The following CLDN14 variants were observed in gnomAD, a reference collection of about 807,000 sequenced individuals.
CLDN14 encodes the protein claudin 14.
A neutral mutation model predicts 2.1 loss-of-function variants in CLDN14; 2 were observed. The ratio of observed to expected loss-of-function variants is 0.96; its 90% CI spans 0.39 to 3.01. The LOEUF is 3.01. Among genes scored for constraint, CLDN14 ranks in the 30% most tolerant of loss-of-function variants. The pLI, the probability that CLDN14 is intolerant of heterozygous loss-of-function variation, is 0.09. For missense variants in CLDN14, 298 were observed against 328.0 expected (o/e 0.91, Z 0.71); for synonymous variants, 136 against 154.4 (o/e 0.88, Z 0.88).
intron 1 of CLDN14, among the ~76,000 whole-genome samples, chr21:36,464,168 C>T (rs1176792814): frequency 6.6e-6 from 1 of 152,102 alleles, no homozygotes; most frequent in African/African-American, 2.4e-5. Flanking sequence ...CACCTGCCTG[C>T]TCCCCTCTCT....
Position 36,499,342 on chromosome 21 carries a change from T to C in CLDN14, c.-82+11021A>G, listed in dbSNP as rs535424570. Among the ~76,000 whole-genome samples, 44 of 152,292 alleles carry C rather than the reference T, an allele frequency of 2.9e-4. No homozygotes were observed. The highest frequency in any genetic ancestry group is 8.5e-4 in the Admixed American group (13 of 15,288). The stretch of plus-strand genomic sequence containing the variant: ...TCAGCTCGCTGCAACCTCTGCCTCC[T>C]GGGTTCAAGCGATTCTCCTGCCTCA... On this transcript the variant is annotated intron_variant, in intron 2 of 2. Coordinates refer to the CLDN14 transcript ENST00000342108. The surrounding 1 kb of genome is among the most constrained non-coding windows in gnomAD (Gnocchi z 4.7).
chr21:36,496,180 A>G (rs2087015278), intron 2 of CLDN14, among the ~76,000 whole-genome samples: 1 of 152,140 alleles, frequency 6.6e-6, no homozygotes, highest in Admixed American at 6.6e-5. Context: ...AAATGCCTGT[A>G]ATTCCAGCAC....
chr21:36,558,955 C>G (rs975276441), intron 1 of CLDN14, among the ~76,000 whole-genome samples: 25 of 152,160 alleles, frequency 1.6e-4, no homozygotes, highest in African/African-American at 5.5e-4. Context: ...GTATACTTAA[C>G]AAAAATTTAA....
intron 1 of CLDN14, among the ~76,000 whole-genome samples, chr21:36,524,556 C>G (rs897838910): frequency 3.4e-4 from 52 of 152,194 alleles, no homozygotes; most frequent in African/African-American, 9.9e-4. Flanking sequence ...AGATACCGAC[C>G]CTGAGCTCCA....
intron 1 of CLDN14, among the ~76,000 whole-genome samples, chr21:36,528,344 A>G (rs2087351291): frequency 6.6e-6 from 1 of 152,170 alleles, no homozygotes; most frequent in Non-Finnish European, 1.5e-5. Context: ...ATCATCTTCC[A>G]GATGTGGAAA....
chr21:36,475,607 G>A (rs1323308626), intron 1 of CLDN14, among the ~76,000 whole-genome samples: 1 of 152,180 alleles, frequency 6.6e-6, no homozygotes, highest in Non-Finnish European at 1.5e-5. Flanking sequence ...CTGGAGTGCA[G>A]TGGCACAATC....
chr21:36,514,662 T>TGTAG (rs1491510888), intron 1 of CLDN14, among the ~76,000 whole-genome samples: 1 of 131,216 alleles, frequency 7.6e-6, no homozygotes, highest in African/African-American at 3.6e-5. Context: ...TGTGTGTGTG[T>TGTAG]AGAGAGACAG....
At chr21:36,552,033 A>T (rs1255969195) in intron 1 of CLDN14, among the ~76,000 whole-genome samples, 3 of 152,238 alleles carry the variant, frequency 2.0e-5, no homozygotes, top group Non-Finnish European at 2.9e-5. Flanking sequence ...TGATAAAGTT[A>T]CTACATTCAT....
At chr21:36,512,523 A>G (rs2087194137) in intron 1 of CLDN14, among the ~76,000 whole-genome samples, 1 of 152,232 alleles carries the variant, frequency 6.6e-6, no homozygotes, top group Admixed American at 6.5e-5. Context: ...AGTAAAATAC[A>G]AGACAATAGA....
At chr21:36,497,440 C>G (rs1306681048) in intron 2 of CLDN14, among the ~76,000 whole-genome samples, 4 of 140,936 alleles carry the variant, frequency 2.8e-5, no homozygotes, top group African/African-American at 1.1e-4. Flanking sequence ...GCGGCAGGCA[C>G]ACGCACACAG....
intron 1 of CLDN14, among the ~76,000 whole-genome samples, chr21:36,468,636 T>G (rs2086674874): frequency 6.6e-6 from 1 of 152,124 alleles, no homozygotes; most frequent in South Asian, 2.1e-4. Flanking sequence ...GAGATTTGGA[T>G]TCATTTAGAT....
At chr21:36,486,610 A>C in intron 2 of CLDN14, 1 of 1,543,440 alleles carries the variant, frequency 6.5e-7, no homozygotes, top group Non-Finnish European at 9.0e-7. Flanking sequence ...AACCGCTTCC[A>C]TCTTTGCCAT....
At chr21:36,556,909 A>G (rs558628686) in intron 1 of CLDN14, among the ~76,000 whole-genome samples, 9 of 152,342 alleles carry the variant, frequency 5.9e-5, no homozygotes, top group Middle Eastern at 3.4e-3. Context: ...ATCATCTTGC[A>G]TAATTGTAAC....
intron 2 of CLDN14, among the ~76,000 whole-genome samples, chr21:36,507,485 C>T (rs34494383): frequency 0.063 from 9,556 of 152,098 alleles, 391 homozygotes; most frequent in Middle Eastern, 0.12. Flanking sequence ...AAAGGTTGAC[C>T]GGACGTGGTG....
intron 1 of CLDN14, among the ~76,000 whole-genome samples, chr21:36,528,225 T>A (rs2087349844): frequency 6.6e-6 from 1 of 152,230 alleles, no homozygotes; most frequent in Non-Finnish European, 1.5e-5. Context: ...TGAATAATTA[T>A]CACTAACAGT....
rs551980837 is a variant in CLDN14 at position 36,535,945 on chromosome 21, G to A, written c.-219-25445C>T. Among the ~76,000 whole-genome samples, 7 of 152,296 alleles carry A rather than the reference G, an allele frequency of 4.6e-5. No individual in the cohort carries two copies. In the East Asian group the frequency reaches 1.2e-3, roughly 25 times the overall value. Reference sequence around the variant, plus strand: ...GCAAAGTGGCATGAAAGGACAACACGGTGCTCCCCCACCCTCGGAAAGTAC... The same window carrying A: ...GCAAAGTGGCATGAAAGGACAACACAGTGCTCCCCCACCCTCGGAAAGTAC... On this transcript the variant is annotated intron_variant, in intron 1 of 2. Coordinates refer to the CLDN14 transcript ENST00000342108.
At chr21:36,542,243 G>A (rs1163010471) in intron 1 of CLDN14, among the ~76,000 whole-genome samples, 2 of 152,114 alleles carry the variant, frequency 1.3e-5, no homozygotes, top group Admixed American at 6.5e-5. Flanking sequence ...GATTACAGGC[G>A]TGAGCCACCG....
chr21:36,571,056 G>T (rs936938670), intron 1 of CLDN14, among the ~76,000 whole-genome samples: 1 of 152,174 alleles, frequency 6.6e-6, no homozygotes, highest in Non-Finnish European at 1.5e-5. Context: ...TGGTCAGGCT[G>T]GTCTCGAACT....
chr21:36,460,636 C>T lies in CLDN14; in HGVS notation c.*340G>A. The T allele has an allele frequency of 3.6e-6, 1 of 274,732 alleles. No homozygotes were observed. Among genetic ancestry groups the T allele is most frequent in the Non-Finnish European group, 7.1e-6 (1 of 141,150 alleles). 17.0% of individuals were successfully genotyped at this position (274,732 alleles called of 1,614,324 possible). A position where few individuals can be genotyped will look rare whatever the true frequency, so the allele number is the denominator to read the frequency against. ...AGACTGTCCATTTCATAAACAGCCACATCCGCAAGGTTTATTCCTGGATCA... is the reference window on the plus strand; with the variant it reads ...AGACTGTCCATTTCATAAACAGCCATATCCGCAAGGTTTATTCCTGGATCA... On this transcript the variant is annotated 3_prime_UTR_variant, in exon 2 of 2. Coordinates refer to ENST00000399135, the MANE Select transcript of CLDN14 (RefSeq NM_001146079.2). This position sits in a 1 kb window ranked among gnomAD's most constrained non-coding sequence, Gnocchi z 4.0.
Sources: allele counts gnomAD v4.1 joint callset (sites outside exome capture counted in the v4.1 genomes callset), GRCh38; gene constraint gnomAD v4.1.1; non-coding constraint Gnocchi (gnomAD v3.1); transcripts MANE v1.5; gene names NCBI Gene and HGNC (gene_info 2026-07-23, HGNC 2026-07-21).